TMEM108: variants seen among roughly 807,000 people sequenced by gnomAD.
TMEM108 encodes cancer/testis antigen 124.
In TMEM108, 12 loss-of-function variants were observed where a neutral mutation model predicts 35.1. The observed-to-expected ratio is 0.34, with a 90% CI of 0.22 to 0.55. The LOEUF is 0.55. Among genes scored for constraint, TMEM108 ranks in the 20% least tolerant of loss-of-function variants. TMEM108 has a pLI of 0.89. For synonymous variants in TMEM108, 287 were observed against 308.6 expected (o/e 0.93, Z 0.73); for missense variants, 680 against 753.3 (o/e 0.90, Z 1.14).
At chr3:133,053,008 C>G (rs372655140) in intron 2 of TMEM108, among the ~76,000 whole-genome samples, 1 of 152,038 alleles carries the variant, frequency 6.6e-6, no homozygotes, top group African/African-American at 2.4e-5. Context: ...GATGCAGGTG[C>G]TCTGAGTGTC....
chr3:133,243,589 C>T (rs887228639), intron 3 of TMEM108, among the ~76,000 whole-genome samples: 5 of 151,998 alleles, frequency 3.3e-5, no homozygotes, highest in African/African-American at 7.2e-5. Context: ...GGCGCGATCT[C>T]GGCTCACTGC....
intron 2 of TMEM108, among the ~76,000 whole-genome samples, chr3:133,121,600 G>T (rs1669740843): frequency 1.3e-5 from 2 of 152,186 alleles, no homozygotes; most frequent in South Asian, 4.1e-4. Flanking sequence ...GAAGCATCTT[G>T]TTTTACATAT....
chr3:133,194,001 A>T (rs1351264315), intron 2 of TMEM108, among the ~76,000 whole-genome samples: 2 of 147,672 alleles, frequency 1.4e-5, no homozygotes, highest in Non-Finnish European at 3.0e-5. Flanking sequence ...CAGTGGTGCG[A>T]TCTTGGCTCA....
chr3:133,083,170 G>GCCCCCCC (rs201976584), intron 2 of TMEM108, among the ~76,000 whole-genome samples: 16 of 136,412 alleles, frequency 1.2e-4, no homozygotes, highest in East Asian at 4.4e-4. Flanking sequence ...TACTTGGAAA[G>GCCCCCCC]CCCCCCCCCA....
At chr3:133,391,315 A>G (rs772700293) in intron 5 of TMEM108, among the ~76,000 whole-genome samples, 2 of 152,204 alleles carry the variant, frequency 1.3e-5, no homozygotes, top group Non-Finnish European at 2.9e-5. Context: ...TGCAATTGAG[A>G]TGGCCCAGGA....
At chr3:133,374,577 T>C (rs1302311176) in intron 3 of TMEM108, among the ~76,000 whole-genome samples, 1 of 147,874 alleles carries the variant, frequency 6.8e-6, no homozygotes, top group East Asian at 2.0e-4. Context: ...CACACACACA[T>C]ATATAATTTT....
chr3:133,171,020 G>A (rs1236248655), intron 2 of TMEM108, among the ~76,000 whole-genome samples: 2 of 152,306 alleles, frequency 1.3e-5, no homozygotes, highest in East Asian at 3.9e-4. Flanking sequence ...AGCTGGTCAT[G>A]AGTAGATATT....
intron 2 of TMEM108, among the ~76,000 whole-genome samples, chr3:133,155,378 G>A (rs1434077068): frequency 6.6e-6 from 1 of 152,156 alleles, no homozygotes; most frequent in South Asian, 2.1e-4. Flanking sequence ...TATATACCCA[G>A]TAGTGGGATT....
chr3:133,381,217 C>A, intron 4 of TMEM108, 56 bp downstream of exon 4: 2 of 1,502,656 alleles, frequency 1.3e-6, no homozygotes, highest in Admixed American at 2.2e-5. Context: ...CTGGCTCAAC[C>A]CCAGCATTCC....
chr3:133,207,155 CAT>C (rs1000380632), intron 2 of TMEM108, among the ~76,000 whole-genome samples: 2 of 152,128 alleles, frequency 1.3e-5, no homozygotes. Context: ...TTGCGAAGAC[CAT>C]GGGAAAAGCA....
At chr3:133,262,640 T>C (rs1946641011) in intron 3 of TMEM108, among the ~76,000 whole-genome samples, 2 of 152,208 alleles carry the variant, frequency 1.3e-5, no homozygotes, top group African/African-American at 4.8e-5. Context: ...CTACTAACTG[T>C]CATTAGAGAT....
chr3:133,126,541 CA>C (rs1456949353), intron 2 of TMEM108, among the ~76,000 whole-genome samples: 1 of 151,014 alleles, frequency 6.6e-6, no homozygotes, highest in African/African-American at 2.4e-5. Context: ...TAGCATTGTC[CA>C]ATAAAAATGT....
At chr3:133,278,338 A>G (rs1250836967) in intron 3 of TMEM108, among the ~76,000 whole-genome samples, 1 of 152,234 alleles carries the variant, frequency 6.6e-6, no homozygotes, top group Non-Finnish European at 1.5e-5. Context: ...CTATTGCTTT[A>G]TTTGTAAAAT....
intron 1 of TMEM108, among the ~76,000 whole-genome samples, chr3:133,043,174 C>T (rs1943294835): frequency 6.6e-6 from 1 of 152,232 alleles, no homozygotes; most frequent in South Asian, 2.1e-4. Flanking sequence ...TCCCCAACAT[C>T]TCTCTGGATA....
intron 3 of TMEM108, among the ~76,000 whole-genome samples, chr3:133,341,731 C>T (rs1275804329): frequency 6.6e-6 from 1 of 151,762 alleles, no homozygotes; most frequent in Non-Finnish European, 1.5e-5. Flanking sequence ...AAAATCCATG[C>T]ATCTACAATG....
At chr3:133,169,836 A>C (rs1390928644) in intron 2 of TMEM108, among the ~76,000 whole-genome samples, 2 of 152,188 alleles carry the variant, frequency 1.3e-5, no homozygotes, top group Non-Finnish European at 2.9e-5. Context: ...GGCTGTGTAG[A>C]TTAGCCCCAA....
intron 2 of TMEM108, among the ~76,000 whole-genome samples, chr3:133,121,513 T>C (rs576718648): frequency 4.7e-4 from 72 of 152,330 alleles, no homozygotes; most frequent in Non-Finnish European, 8.2e-4. Context: ...TATCTGTCAT[T>C]TTGATTCGTT....
chr3:133,233,108 T>C (rs1946178517), intron 3 of TMEM108, among the ~76,000 whole-genome samples: 1 of 151,958 alleles, frequency 6.6e-6, no homozygotes, highest in South Asian at 2.1e-4. Flanking sequence ...GTTACATATG[T>C]ATACATGTGC....
chr3:133,225,721 G>A (rs1324548962), intron 2 of TMEM108, among the ~76,000 whole-genome samples: 2 of 151,124 alleles, frequency 1.3e-5, no homozygotes, highest in African/African-American at 4.9e-5. Context: ...CAAGTAACAA[G>A]TCTTTTTAAA....
Sources: gnomAD v4.1 joint callset for allele counts (sites outside exome capture counted in the v4.1 genomes callset) on GRCh38, gnomAD v4.1.1 for gene constraint, MANE v1.5 for transcripts, NCBI Gene and HGNC (gene_info 2026-07-23, HGNC 2026-07-21) for gene names.